GSG1L2: variants seen among roughly 807,000 people sequenced by gnomAD.
GSG1L2 encodes the protein GSG1 like 2, also known as germ cell-specific gene 1-like protein 2.
In GSG1L2, 15 loss-of-function variants were observed where a neutral mutation model predicts 9.0. The observed-to-expected ratio is 1.67, with a 90% confidence interval of 1.12 to 2.57. GSG1L2 has a LOEUF of 2.57. Ranked by LOEUF, GSG1L2 falls within the 30% of genes most tolerant of loss-of-function variation. The pLI is 0.00. For synonymous variants in GSG1L2, 127 were observed against 57.9 expected, an observed-to-expected ratio of 2.19 and a Z score of -5.41; for missense variants, 286 against 150.3, an observed-to-expected ratio of 1.90 and a Z score of -4.72.
chr17:9,810,594 C>A lies in GSG1L2; in HGVS notation c.335G>T (p.Ser112Ile), dbSNP rs1451705490. ...ACCTTGTTCTTCAGCTGGCACTACACTCCGGAAACTCCTACACTTTTCATC... is the reference window on the plus strand; with the variant it reads ...ACCTTGTTCTTCAGCTGGCACTACAATCCGGAAACTCCTACACTTTTCATC... Reference protein sequence around the residue: ...GEDEKCRSFRSVVPAEEQGVL... With the variant: ...GEDEKCRSFRIVVPAEEQGVL... Residue 112 changes from serine (S) to isoleucine (I), a missense_variant, in exon 2 of 5, where the codon AGT (serine) becomes ATT (isoleucine). Transcript: ENST00000399363. 2 of 703,030 alleles carry A rather than the reference C, an allele frequency of 2.8e-6. No homozygotes were observed. Among genetic ancestry groups the A allele is most frequent in the Non-Finnish European group, 5.2e-6 (2 of 385,024 alleles). 43.5% of individuals were successfully genotyped at this position (703,030 alleles called of 1,614,324 possible). A position where few individuals can be genotyped will look rare whatever the true frequency, so the allele number is the denominator to read the frequency against.
At chr17:9,811,539 G>C (rs1469238165) in intron 1 of GSG1L2, among the ~76,000 whole-genome samples, 1 of 152,158 alleles carries the variant, frequency 6.6e-6, no homozygotes, top group Admixed American at 6.5e-5. Context: ...TCTGGTTTAG[G>C]GGGTGACAGA....
At chr17:9,819,198 C>A (rs1312557453) in intron 1 of GSG1L2, among the ~76,000 whole-genome samples, 4 of 152,148 alleles carry the variant, frequency 2.6e-5, no homozygotes, top group African/African-American at 9.7e-5. Context: ...ATGGGCAACT[C>A]CAGAAAAAGC....
At position 9,822,027 on chromosome 17, in the gene GSG1L2, G is replaced by C. The variant is rs1567712757; in HGVS notation, c.45C>G (p.Val15=). The stretch of plus-strand genomic sequence containing the variant: ...TGAGGGAGAAGGTGAGGGCGAGGCA[G>C]ACAGGGAGGAGGAGCAGCGCCTGCT... ...KQQQALLLLP[V]CLALTFSLTA... Residue 15 remains valine, a synonymous_variant, in exon 1 of 5, where the codon GTC becomes GTG. Coordinates refer to ENST00000399363, the MANE Select transcript of GSG1L2 (RefSeq NM_001310219.2). The C allele has an allele frequency of 2.8e-6, 2 of 702,612 alleles. No homozygotes were observed. Among genetic ancestry groups the C allele is most frequent in the Non-Finnish European group, 2.6e-6 (1 of 384,984 alleles). 43.5% of individuals were successfully genotyped at this position (702,612 alleles called of 1,614,324 possible).
chr17:9,821,609 G>A (rs531533468), intron 1 of GSG1L2, among the ~76,000 whole-genome samples, 153 bp downstream of exon 1: 1 of 152,132 alleles, frequency 6.6e-6, no homozygotes, highest in African/African-American at 2.4e-5. Context: ...GGAGATGAAG[G>A]ATTCAAACCC....
intron 1 of GSG1L2, 93 bp downstream of exon 1, chr17:9,821,669 A>G (rs1250716892): frequency 9.1e-6 from 6 of 657,574 alleles, no homozygotes; most frequent in Non-Finnish European, 1.7e-5. Context: ...TGTTACCCCC[A>G]GAATCTGCAG....
intron 1 of GSG1L2, among the ~76,000 whole-genome samples, chr17:9,819,312 C>A (rs867673453): frequency 5.3e-5 from 8 of 152,276 alleles, no homozygotes; most frequent in Middle Eastern, 6.8e-3. Context: ...CTGATTTCAA[C>A]AAAGCAGCGA....
intron 4 of GSG1L2, chr17:9,804,269 C>G (rs1316197987): frequency 6.6e-6 from 1 of 152,212 alleles, no homozygotes; most frequent in South Asian, 2.1e-4. Context: ...AGGTGCAGAA[C>G]CTTGAGGCAC....
At position 9,809,002 on chromosome 17, in the gene GSG1L2, TG is replaced by T. The variant is rs2066527548; in HGVS notation, c.359-21del. 2 of 702,760 alleles carry T rather than the reference TG, an allele frequency of 2.8e-6. No homozygotes were observed. Among genetic ancestry groups the T allele is most frequent in the Admixed American group, 2.0e-5 (1 of 49,978 alleles). 43.5% of individuals were successfully genotyped at this position (702,760 alleles called of 1,614,324 possible). A position where few individuals can be genotyped will look rare whatever the true frequency, so the allele number is the denominator to read the frequency against. ...AAACACCTGCCAAAGAACGGGATGT[TG>T]GAAACGCTGGACACTTCTAATTCAG... On this transcript the variant is annotated intron_variant, in intron 2 of 4. Transcript: ENST00000399363.
At chr17:9,805,660 A>G (rs1597939545) in intron 4 of GSG1L2, 1 of 152,216 alleles carries the variant, frequency 6.6e-6, no homozygotes, top group East Asian at 1.9e-4. Context: ...AATGGGACCT[A>G]AGAAATAGCA....
chr17:9,807,260 G>A (rs1203724560), intron 4 of GSG1L2, among the ~76,000 whole-genome samples: 1 of 152,198 alleles, frequency 6.6e-6, no homozygotes, highest in Non-Finnish European at 1.5e-5. Flanking sequence ...TGTGCAAAGA[G>A]TTTTATAAAC....
At chr17:9,810,422 A>G in intron 2 of GSG1L2, 149 bp downstream of exon 2, 1 of 630,022 alleles carries the variant, frequency 1.6e-6, no homozygotes, top group Non-Finnish European at 2.8e-6. Flanking sequence ...AGGGCACAGG[A>G]AGAGAGCCTG....
intron 4 of GSG1L2, among the ~76,000 whole-genome samples, chr17:9,806,740 A>C (rs2066517597): frequency 6.6e-6 from 1 of 152,212 alleles, no homozygotes. Context: ...AAAGGGGGGT[A>C]GCTAAGTGAC....
At chr17:9,816,870 CTGTGTGTGTATCTG>C (rs1310231947) in intron 1 of GSG1L2, among the ~76,000 whole-genome samples, 5 of 120,966 alleles carry the variant, frequency 4.1e-5, no homozygotes, top group African/African-American at 6.7e-5. Context: ...ATGTGTGTGT[CTGTGTGTGTATCTG>C]TGTGTGTGTA....
chr17:9,811,977 T>C (rs1310630886), intron 1 of GSG1L2, among the ~76,000 whole-genome samples: 3 of 146,946 alleles, frequency 2.0e-5, no homozygotes, highest in African/African-American at 7.7e-5. Flanking sequence ...CACCAACCAA[T>C]AGTCACTTAT....
intron 1 of GSG1L2, among the ~76,000 whole-genome samples, chr17:9,816,201 GACA>G (rs1380747103): frequency 1.3e-5 from 2 of 152,212 alleles, no homozygotes; most frequent in Admixed American, 6.5e-5. Context: ...ACAGAGAATG[GACA>G]ACGACAGAAG....
chr17:9,803,104 T>A (rs1423070917), intron 4 of GSG1L2, among the ~76,000 whole-genome samples: 4 of 103,972 alleles, frequency 3.8e-5, no homozygotes, highest in Non-Finnish European at 5.9e-5. Flanking sequence ...TCATTACTTT[T>A]TTTTTTTTTT....
At chr17:9,804,706 A>G (rs2081410754) in intron 4 of GSG1L2, 1 of 152,208 alleles carries the variant, frequency 6.6e-6, no homozygotes, top group South Asian at 2.1e-4. Flanking sequence ...ATGCCAAAAC[A>G]ACAACAAAAG....
chr17:9,811,988 C>CACTT lies in GSG1L2; in HGVS notation c.311-1374_311-1371dup, dbSNP rs576839861. Among the ~76,000 whole-genome samples, 9 of 152,232 alleles carry CACTT rather than the reference C, an allele frequency of 5.9e-5. No homozygotes were observed. In the South Asian group the frequency reaches 1.9e-3, roughly 32 times the overall value. The stretch of plus-strand genomic sequence containing the variant: ...TTATCACCAACCAATAGTCACTTAT[C>CACTT]ACTTATCACTTATCACTTATCCAAT... On this transcript the variant is annotated intron_variant, in intron 1 of 4. Transcript: ENST00000399363.
rs138575627 is a variant in GSG1L2 at position 9,813,534 on chromosome 17, G to A, written c.311-2916C>T. 1.6e-3 allele frequency among the ~76,000 whole-genome samples: 247 copies of A among 152,304 alleles called. 1 individual carries two copies. Among genetic ancestry groups the A allele is most frequent in the Non-Finnish European group, 2.6e-3 (179 of 68,014 alleles). ...ATTAATGTGATTGGACACTTCTCCTGATGTCAGCAGCAGTATCACGGTCAC... is the reference window on the plus strand; with the variant it reads ...ATTAATGTGATTGGACACTTCTCCTAATGTCAGCAGCAGTATCACGGTCAC... On this transcript the variant is annotated intron_variant, in intron 1 of 4. Coordinates refer to ENST00000399363, the MANE Select transcript of GSG1L2 (RefSeq NM_001310219.2).
Sources: gnomAD v4.1 joint callset for allele counts (sites outside exome capture counted in the v4.1 genomes callset) on GRCh38, gnomAD v4.1.1 for gene constraint, MANE v1.5 for transcripts, NCBI Gene and HGNC (gene_info 2026-07-23, HGNC 2026-07-21) for gene names.